HMCN1: variants seen among roughly 807,000 people sequenced by gnomAD.
HMCN1 encodes the protein hemicentin-1.
A neutral mutation model predicts 625.9 loss-of-function variants in HMCN1; 321 were observed. The observed-to-expected ratio is 0.51, with a 90% CI of 0.47 to 0.56. The LOEUF is 0.56. Ranked by LOEUF, HMCN1 falls within the 20% of genes least tolerant of loss-of-function variation. HMCN1 has a pLI of 0.00. For synonymous variants in HMCN1, 2,425 were observed against 2,417.6 expected, an observed-to-expected ratio of 1.00 and a Z score of -0.09; for missense variants, 6,588 against 6,887.3, an observed-to-expected ratio of 0.96 and a Z score of 1.54.
At chr1:186,125,466 A>T in intron 81 of HMCN1, 138 bp from the exon 82 acceptor site, 1 of 686,392 alleles carries the variant, frequency 1.5e-6, no homozygotes, top group East Asian at 2.7e-5. Context: ...AAGCAAATCA[A>T]TATCTTAATA....
chr1:186,115,477 A>G, intron 75 of HMCN1, 63 bp downstream of exon 75: 2 of 1,472,338 alleles, frequency 1.4e-6, no homozygotes, highest in Non-Finnish European at 1.9e-6. Context: ...TCAACATTTT[A>G]ATTCTATCAG....
chr1:185,842,748 T>A (rs1215751649), intron 1 of HMCN1, among the ~76,000 whole-genome samples: 1 of 151,678 alleles, frequency 6.6e-6, no homozygotes, highest in African/African-American at 2.4e-5. Context: ...AAAAAAACTT[T>A]AAAAATATCT....
intron 4 of HMCN1, among the ~76,000 whole-genome samples, chr1:185,892,495 G>C (rs1190366376): frequency 4.6e-5 from 7 of 152,006 alleles, no homozygotes; most frequent in Non-Finnish European, 1.0e-4. Flanking sequence ...TTTTGGTGTG[G>C]ATGTCCTTTC....
At chr1:185,762,286 G>A (rs776484793) in intron 1 of HMCN1, among the ~76,000 whole-genome samples, 1 of 152,122 alleles carries the variant, frequency 6.6e-6, no homozygotes, top group Non-Finnish European at 1.5e-5. Flanking sequence ...TTGTTTCAGT[G>A]AAGTTCTACT....
At chr1:185,787,794 A>G (rs1657729008) in intron 1 of HMCN1, among the ~76,000 whole-genome samples, 1 of 152,146 alleles carries the variant, frequency 6.6e-6, no homozygotes, top group Non-Finnish European at 1.5e-5. Flanking sequence ...TCCCATTTTT[A>G]TGATACATTT....
intron 14 of HMCN1, among the ~76,000 whole-genome samples, chr1:185,968,915 G>T (rs918696406): frequency 6.6e-6 from 1 of 152,110 alleles, no homozygotes; most frequent in Non-Finnish European, 1.5e-5. Flanking sequence ...ATCAAAATGT[G>T]ATTAAAACAG....
chr1:186,180,911 G>A (rs1652891547), intron 104 of HMCN1, among the ~76,000 whole-genome samples: 2 of 152,140 alleles, frequency 1.3e-5, no homozygotes, highest in African/African-American at 4.8e-5. Context: ...AGCACCAAAT[G>A]CTTTTAATGA....
chr1:185,924,535 A>C (rs1667176734), intron 8 of HMCN1, among the ~76,000 whole-genome samples: 1 of 152,116 alleles, frequency 6.6e-6, no homozygotes, highest in African/African-American at 2.4e-5. Context: ...GCTATTGTTG[A>C]ATAGTTGTAG....
At chr1:185,893,995 C>T (rs535920379) in intron 4 of HMCN1, among the ~76,000 whole-genome samples, 4 of 152,032 alleles carry the variant, frequency 2.6e-5, no homozygotes, top group South Asian at 4.2e-4. Context: ...ATTAGCCAGG[C>T]GTAGTGGCGG....
chr1:185,910,151 A>C (rs1666332916), intron 5 of HMCN1, among the ~76,000 whole-genome samples: 1 of 152,122 alleles, frequency 6.6e-6, no homozygotes, highest in African/African-American at 2.4e-5. Flanking sequence ...TTTTTACCTA[A>C]TATTTGCAAA....
chr1:186,023,379 A>G (rs1654852785), intron 36 of HMCN1, among the ~76,000 whole-genome samples: 1 of 151,692 alleles, frequency 6.6e-6, no homozygotes, highest in African/African-American at 2.4e-5. Context: ...ACTGGAGCTC[A>G]TAATTAAATA....
chr1:185,763,034 A>G (rs943188251), intron 1 of HMCN1, among the ~76,000 whole-genome samples: 7 of 152,272 alleles, frequency 4.6e-5, no homozygotes, highest in African/African-American at 1.7e-4. Flanking sequence ...AAGAACGGAG[A>G]TCTGTCCTCT....
chr1:186,048,726 G>C lies in HMCN1; in HGVS notation c.6481-17G>C, dbSNP rs1656742658. ...TGAAATAGAAAGTGTGATTTCAAAGGATGATTTTGTTTTCAGATTGAAGAT... is the reference window on the plus strand; with the variant it reads ...TGAAATAGAAAGTGTGATTTCAAAGCATGATTTTGTTTTCAGATTGAAGAT... On this transcript the variant is annotated splice_polypyrimidine_tract_variant and intron_variant, in intron 41 of 106. Transcript: ENST00000271588. The C allele has an allele frequency of 6.8e-7, 1 of 1,477,346 alleles. No individual in the cohort carries two copies. Among genetic ancestry groups the C allele is most frequent in the African/African-American group, 1.4e-5 (1 of 72,104 alleles). The allele number at this position is 1,477,346 out of a possible 1,614,324, so 91.5% of individuals were successfully genotyped here. A position where few individuals can be genotyped will look rare whatever the true frequency, so the allele number is the denominator to read the frequency against.
chr1:186,130,528 A>AT lies in HMCN1; in HGVS notation c.13063dup (p.Tyr4355LeufsTer4). ...CCAGAACCTCCAGTCTTCAAAGGTG[A>AT]TTATCCTTCTAACTGGATTGAACCA... On this transcript the variant is annotated frameshift_variant, in exon 85 of 107. Coordinates refer to ENST00000271588, the MANE Select transcript of HMCN1 (RefSeq NM_031935.3). LOFTEE classifies it high-confidence loss of function. 1.2e-6 allele frequency: 2 copies of AT among 1,613,428 alleles called. No homozygotes were observed.
intron 93 of HMCN1, among the ~76,000 whole-genome samples, chr1:186,147,416 T>C (rs1359107264): frequency 6.6e-6 from 1 of 151,978 alleles, no homozygotes; most frequent in Non-Finnish European, 1.5e-5. Context: ...TCTCACCATT[T>C]TTTTCTTTAA....
chr1:186,047,946 A>G (rs2102260644), intron 41 of HMCN1, among the ~76,000 whole-genome samples: 1 of 152,260 alleles, frequency 6.6e-6, no homozygotes, highest in Middle Eastern at 3.4e-3. Context: ...TGATCATTGA[A>G]TGTTTTAGAA....
intron 93 of HMCN1, among the ~76,000 whole-genome samples, chr1:186,150,903 CTTTAT>C (rs1017721599): frequency 6.6e-6 from 1 of 151,562 alleles, no homozygotes; most frequent in African/African-American, 2.4e-5. Context: ...CCAACATATT[CTTTAT>C]TTTTAGTTTG....
intron 4 of HMCN1, among the ~76,000 whole-genome samples, chr1:185,892,415 T>C (rs191964222): frequency 0.077 from 11,625 of 151,248 alleles, 1,473 homozygotes; most frequent in African/African-American, 0.26. Context: ...AGTTTTTCTG[T>C]TCTGTTTTTT....
At chr1:185,763,210 C>T (rs569288636) in intron 1 of HMCN1, among the ~76,000 whole-genome samples, 6 of 152,092 alleles carry the variant, frequency 3.9e-5, no homozygotes, top group African/African-American at 1.2e-4. Context: ...AGGCACATGG[C>T]GACATTAAAG....
Sources: gnomAD v4.1 joint callset for allele counts (sites outside exome capture counted in the v4.1 genomes callset) on GRCh38, gnomAD v4.1.1 for gene constraint, MANE v1.5 for transcripts, NCBI Gene and HGNC (gene_info 2026-07-23, HGNC 2026-07-21) for gene names.